The following NXPH1 variants were observed in gnomAD, a reference collection of about 807,000 sequenced individuals.
The protein encoded by NXPH1 is neurexophilin 1, also known as neurexophilin-1.
In NXPH1, 5 loss-of-function variants were observed where a neutral mutation model predicts 23.7. The observed-to-expected ratio is 0.21, with a 90% CI of 0.11 to 0.44. The LOEUF (loss-of-function observed/expected upper bound fraction) is 0.44, where lower values mean the gene tolerates loss of function less well. NXPH1 is among the 20% of genes least tolerant of loss of function. NXPH1 has a pLI of 0.99. For missense variants in NXPH1, 324 were observed against 321.6 expected, an observed-to-expected ratio of 1.01 and a Z score of -0.06; for synonymous variants, 144 against 122.2, an observed-to-expected ratio of 1.18 and a Z score of -1.18.
intron 2 of NXPH1, among the ~76,000 whole-genome samples, chr7:8,436,187 A>G (rs1433228410): frequency 6.6e-6 from 1 of 152,148 alleles, no homozygotes; most frequent in Non-Finnish European, 1.5e-5. Flanking sequence ...GTGAGTTTAA[A>G]AGTGAATCTA....
intron 2 of NXPH1, among the ~76,000 whole-genome samples, chr7:8,628,578 T>C (rs963729351): frequency 2.6e-5 from 4 of 151,458 alleles, no homozygotes; most frequent in Admixed American, 2.6e-4. Context: ...CCAGCCCTTT[T>C]TGTGTATGTA....
chr7:8,485,578 C>T (rs558685726), intron 2 of NXPH1, among the ~76,000 whole-genome samples: 54 of 152,110 alleles, frequency 3.6e-4, no homozygotes, highest in Non-Finnish European at 5.1e-4. Context: ...CCATGAGCTC[C>T]CATTGTCTTC....
chr7:8,736,316 CT>C (rs1416157601), intron 2 of NXPH1, among the ~76,000 whole-genome samples: 3 of 152,142 alleles, frequency 2.0e-5, no homozygotes, highest in Non-Finnish European at 2.9e-5. Context: ...CCCAGAGATT[CT>C]AGTATGTTGT....
chr7:8,505,974 T>A (rs1817515802), intron 2 of NXPH1, among the ~76,000 whole-genome samples: 1 of 152,110 alleles, frequency 6.6e-6, no homozygotes, highest in Non-Finnish European at 1.5e-5. Flanking sequence ...GGTTCTGATG[T>A]ATGTGATCTG....
intron 2 of NXPH1, among the ~76,000 whole-genome samples, chr7:8,684,392 T>A (rs1821113307): frequency 6.6e-6 from 1 of 152,204 alleles, no homozygotes; most frequent in Admixed American, 6.6e-5. Context: ...TTAGGTTCAC[T>A]GTTCCTACTT....
At chr7:8,472,470 G>A (rs1816885772) in intron 2 of NXPH1, among the ~76,000 whole-genome samples, 1 of 152,150 alleles carries the variant, frequency 6.6e-6, no homozygotes, top group African/African-American at 2.4e-5. Context: ...TTTGTCCAAA[G>A]TCACCCTGAG....
intron 2 of NXPH1, among the ~76,000 whole-genome samples, chr7:8,485,092 G>T (rs1017952125): frequency 6.6e-6 from 1 of 152,112 alleles, no homozygotes; most frequent in Non-Finnish European, 1.5e-5. Context: ...AAGAACTAGA[G>T]GAGACATGTC....
intron 2 of NXPH1, among the ~76,000 whole-genome samples, chr7:8,612,558 G>T (rs371200831): frequency 2.0e-5 from 3 of 152,138 alleles, no homozygotes; most frequent in South Asian, 2.1e-4. Flanking sequence ...TATGTGCTAA[G>T]TTATAAGAGA....
At chr7:8,574,352 G>A (rs142688683) in intron 2 of NXPH1, among the ~76,000 whole-genome samples, 55 of 152,096 alleles carry the variant, frequency 3.6e-4, no homozygotes, top group Middle Eastern at 3.4e-3. Context: ...GGGCTCCAGC[G>A]ATCCTCCTGC....
At chr7:8,496,923 G>T (rs999594819) in intron 2 of NXPH1, among the ~76,000 whole-genome samples, 10 of 151,968 alleles carry the variant, frequency 6.6e-5, no homozygotes, top group African/African-American at 2.4e-4. Flanking sequence ...CAATGTGCAG[G>T]TTTGTTACAT....
chr7:8,450,052 G>C (rs962673362), intron 2 of NXPH1, among the ~76,000 whole-genome samples: 1 of 152,182 alleles, frequency 6.6e-6, no homozygotes, highest in Admixed American at 6.5e-5. Flanking sequence ...GGTAAGAAGC[G>C]AGACTGGGAC....
intron 2 of NXPH1, among the ~76,000 whole-genome samples, chr7:8,637,489 G>A (rs1419315243): frequency 1.3e-5 from 2 of 152,104 alleles, no homozygotes; most frequent in African/African-American, 4.8e-5. Flanking sequence ...CTCCCAAAGC[G>A]CTGGGGATTA....
intron 2 of NXPH1, among the ~76,000 whole-genome samples, chr7:8,590,987 C>T (rs1331043448): frequency 6.6e-6 from 1 of 152,030 alleles, no homozygotes; most frequent in East Asian, 1.9e-4. Context: ...TACACAATAG[C>T]ATGCCAGAAG....
At chr7:8,661,609 A>G (rs1428611590) in intron 2 of NXPH1, among the ~76,000 whole-genome samples, 3 of 152,138 alleles carry the variant, frequency 2.0e-5, no homozygotes, top group Non-Finnish European at 4.4e-5. Flanking sequence ...TCTCCCTTGG[A>G]TACCTGAAAA....
intron 2 of NXPH1, among the ~76,000 whole-genome samples, chr7:8,486,357 T>C (rs1416395185): frequency 1.3e-5 from 2 of 152,186 alleles, no homozygotes; most frequent in Admixed American, 1.3e-4. Flanking sequence ...CTGCCTGTTT[T>C]ACCTTCCAAA....
intron 2 of NXPH1, among the ~76,000 whole-genome samples, chr7:8,626,243 G>T (rs1162998166): frequency 3.3e-5 from 5 of 151,878 alleles, no homozygotes; most frequent in Non-Finnish European, 7.4e-5. Flanking sequence ...ACCTCATATT[G>T]AGTGTAATGA....
chr7:8,720,611 A>T (rs980577238), intron 2 of NXPH1, among the ~76,000 whole-genome samples: 9 of 152,400 alleles, frequency 5.9e-5, no homozygotes, highest in African/African-American at 2.2e-4. Flanking sequence ...ACAGACCACA[A>T]AATGACAAGA....
chr7:8,546,812 T>C (rs1818203618), intron 2 of NXPH1, among the ~76,000 whole-genome samples: 1 of 151,398 alleles, frequency 6.6e-6, no homozygotes. Context: ...ATGCTCATGG[T>C]GGTATTTTTG....
At chr7:8,628,448 A>C (rs1820045047) in intron 2 of NXPH1, among the ~76,000 whole-genome samples, 1 of 151,836 alleles carries the variant, frequency 6.6e-6, no homozygotes. Context: ...TAAACCAAAA[A>C]CCCAAACCCA....
Sources: gnomAD v4.1 joint callset for allele counts (sites outside exome capture counted in the v4.1 genomes callset) on GRCh38, gnomAD v4.1.1 for gene constraint, MANE v1.5 for transcripts, NCBI Gene and HGNC (gene_info 2026-07-23, HGNC 2026-07-21) for gene names.